The following CNTNAP5 variants were observed in gnomAD, a reference collection of about 807,000 sequenced individuals.
The protein encoded by CNTNAP5 is contactin associated protein family member 5, also known as contactin-associated protein-like 5.
In CNTNAP5, 72 loss-of-function variants were observed where a neutral mutation model predicts 150.2. The observed-to-expected ratio is 0.48, with a 90% confidence interval of 0.40 to 0.58. The LOEUF (loss-of-function observed/expected upper bound fraction) is 0.58. Ranked by LOEUF, CNTNAP5 falls within the 20% of genes least tolerant of loss-of-function variation. CNTNAP5 has a pLI of 0.00. For missense variants in CNTNAP5, 1,636 were observed against 1,626.2 expected (o/e 1.01, Z -0.10); for synonymous variants, 672 against 619.8 (o/e 1.08, Z -1.25).
At chr2:124,602,796 G>A (rs1263830287) in intron 11 of CNTNAP5, among the ~76,000 whole-genome samples, 1 of 152,132 alleles carries the variant, frequency 6.6e-6, no homozygotes, top group East Asian at 1.9e-4. Flanking sequence ...CCCAGCTGAT[G>A]GAGAATTTTA....
rs558730922 is a variant in CNTNAP5 at position 124,902,869 on chromosome 2, T to C, written c.3437-13T>C. 1.6e-5 allele frequency: 25 copies of C among 1,589,666 alleles called. 1 individual carries two copies. The South Asian group carries it at 2.7e-4, about 17-fold the overall frequency. Reference sequence around the variant, plus strand: ...AAAAAGTAAAGGACTTCTGATTATCTTTTACATTGCAGAGAATCTTGGTTT... The same window carrying C: ...AAAAAGTAAAGGACTTCTGATTATCCTTTACATTGCAGAGAATCTTGGTTT... On this transcript the variant is annotated splice_polypyrimidine_tract_variant and intron_variant, in intron 21 of 23. Transcript: ENST00000682447.
intron 12 of CNTNAP5, among the ~76,000 whole-genome samples, chr2:124,645,200 T>G (rs1376443272): frequency 6.6e-6 from 1 of 152,200 alleles, no homozygotes; most frequent in Non-Finnish European, 1.5e-5. Context: ...TTTTATAATA[T>G]TATTATCTTT....
intron 1 of CNTNAP5, among the ~76,000 whole-genome samples, chr2:124,039,791 A>T (rs1681318385): frequency 6.6e-6 from 1 of 152,212 alleles, no homozygotes; most frequent in South Asian, 2.1e-4. Context: ...ATAATTAAAT[A>T]TAGGATGGTA....
intron 1 of CNTNAP5, among the ~76,000 whole-genome samples, chr2:124,191,035 T>G (rs186309986): frequency 6.6e-6 from 1 of 152,350 alleles, no homozygotes; most frequent in Admixed American, 6.5e-5. Context: ...TTTTGAGACA[T>G]ATTTTATTGG....
intron 3 of CNTNAP5, among the ~76,000 whole-genome samples, chr2:124,250,700 T>C (rs551729345): frequency 1.7e-4 from 26 of 151,858 alleles, no homozygotes; most frequent in Admixed American, 8.5e-4. Context: ...AAAAGGACTC[T>C]AGGTCAAATT....
At chr2:124,254,481 G>C (rs56201719) in intron 3 of CNTNAP5, among the ~76,000 whole-genome samples, 58,438 of 152,090 alleles carry the variant, frequency 0.38, 12,444 homozygotes, top group African/African-American at 0.56. Context: ...TCCCAGGATA[G>C]AGGAAGCATC....
chr2:124,191,458 T>C (rs1172699159), intron 1 of CNTNAP5, among the ~76,000 whole-genome samples: 1 of 152,200 alleles, frequency 6.6e-6, no homozygotes, highest in African/African-American at 2.4e-5. Context: ...CTTCCATTCC[T>C]TGAAATTCTT....
In CNTNAP5 at chr2:124,353,603, T is replaced by C. The variant is rs561211293; in HGVS notation, c.382-63840T>C. 2.0e-5 allele frequency among the ~76,000 whole-genome samples: 3 copies of C among 152,268 alleles called. No individual in the cohort carries two copies. The East Asian group carries it at 5.8e-4, about 29-fold the overall frequency. On this transcript the variant is annotated intron_variant, in intron 3 of 23. Coordinates refer to ENST00000682447, the MANE Select transcript of CNTNAP5 (RefSeq NM_001367498.1). ...GAGTGAGAATTTGTATTATCCTCTC[T>C]CCGTGCATCTCCATGATACAGTGCC...
At chr2:124,570,568 G>A (rs527439754) in intron 11 of CNTNAP5, among the ~76,000 whole-genome samples, 47 of 143,142 alleles carry the variant, frequency 3.3e-4, no homozygotes, top group African/African-American at 1.2e-3. Flanking sequence ...GTTGGGGATC[G>A]GGTTGCTAAT....
chr2:124,911,637 TC>T, intron 23 of CNTNAP5, 99 bp downstream of exon 23: 1 of 912,462 alleles, frequency 1.1e-6, no homozygotes, highest in Non-Finnish European at 1.7e-6. Flanking sequence ...CATCCAGCAC[TC>T]AGAGCCCCCT....
chr2:124,686,682 A>C (rs1679199506), intron 13 of CNTNAP5, among the ~76,000 whole-genome samples: 1 of 152,090 alleles, frequency 6.6e-6, no homozygotes, highest in Non-Finnish European at 1.5e-5. Context: ...AACATAGTCA[A>C]CCTGCGGAGT....
intron 3 of CNTNAP5, among the ~76,000 whole-genome samples, chr2:124,269,775 T>TA (rs1436607092): frequency 1.3e-4 from 20 of 152,122 alleles, no homozygotes; most frequent in Middle Eastern, 3.4e-3. Context: ...AGCAAAGAAG[T>TA]AAAAAATGTA....
intron 1 of CNTNAP5, among the ~76,000 whole-genome samples, chr2:124,214,742 C>T (rs1049240273): frequency 7.2e-5 from 11 of 152,074 alleles, no homozygotes; most frequent in African/African-American, 2.7e-4. Flanking sequence ...TCTTTCAGTC[C>T]AAAGTAAATG....
chr2:124,358,884 A>T (rs543597104), intron 3 of CNTNAP5, among the ~76,000 whole-genome samples: 166 of 149,860 alleles, frequency 1.1e-3, no homozygotes, highest in Non-Finnish European at 2.2e-3. Flanking sequence ...GAATGGTACC[A>T]GTTCCTCCTT....
chr2:124,083,423 T>C (rs551872849), intron 1 of CNTNAP5, among the ~76,000 whole-genome samples: 3 of 152,290 alleles, frequency 2.0e-5, no homozygotes, highest in Admixed American at 1.3e-4. Context: ...TTCATTCCCA[T>C]GTTTAGGGTC....
chr2:124,546,086 T>C (rs1417314021), intron 10 of CNTNAP5, among the ~76,000 whole-genome samples: 1 of 152,070 alleles, frequency 6.6e-6, no homozygotes, highest in Admixed American at 6.6e-5. Flanking sequence ...GGAATAGAGG[T>C]TGGAATCTGC....
intron 21 of CNTNAP5, among the ~76,000 whole-genome samples, chr2:124,901,973 T>C (rs1558819519): frequency 6.6e-6 from 1 of 152,254 alleles, no homozygotes; most frequent in East Asian, 1.9e-4. Context: ...TCTATGCCAG[T>C]AGATGAGAGA....
At chr2:124,158,066 G>T (rs1529289) in intron 1 of CNTNAP5, among the ~76,000 whole-genome samples, 49,260 of 152,008 alleles carry the variant, frequency 0.32, 8,953 homozygotes, top group Admixed American at 0.4. Flanking sequence ...AGAATGAAGG[G>T]TCTTGTTAAC....
At chr2:124,229,079 A>G (rs1367602721) in intron 2 of CNTNAP5, among the ~76,000 whole-genome samples, 1 of 152,186 alleles carries the variant, frequency 6.6e-6, no homozygotes, top group African/African-American at 2.4e-5. Flanking sequence ...CTCAGAACTC[A>G]GGTAGACTCA....
Sources: allele counts gnomAD v4.1 joint callset (sites outside exome capture counted in the v4.1 genomes callset), GRCh38; gene constraint gnomAD v4.1.1; transcripts MANE v1.5; gene names NCBI Gene and HGNC (gene_info 2026-07-23, HGNC 2026-07-21).